The following RABGAP1 variants were observed in gnomAD, a reference collection of about 807,000 sequenced individuals.
The protein encoded by RABGAP1 is RAB GTPase activating protein 1, also known as rab GTPase-activating protein 1.
Under a neutral mutation model 137.6 loss-of-function variants are expected in RABGAP1, and 23 were observed. The observed-to-expected ratio is 0.17, with a 90% CI of 0.12 to 0.24. The LOEUF is 0.24. RABGAP1 is among the 10% of genes least tolerant of loss of function. The pLI is 1.00. For synonymous variants in RABGAP1, 451 were observed against 450.7 expected, an observed-to-expected ratio of 1.00 and a Z score of -0.01; for missense variants, 906 against 1,275.8, an observed-to-expected ratio of 0.71 and a Z score of 4.42.
chr9:123,041,600 G>C (rs551734580), intron 13 of RABGAP1, among the ~76,000 whole-genome samples: 21 of 152,114 alleles, frequency 1.4e-4, no homozygotes, highest in Non-Finnish European at 2.6e-4. Context: ...GAATAGCAAA[G>C]GTATAATATG....
intron 13 of RABGAP1, among the ~76,000 whole-genome samples, chr9:123,051,624 T>C (rs1369944038): frequency 6.6e-6 from 1 of 152,066 alleles, no homozygotes; most frequent in Admixed American, 6.6e-5. Context: ...ATTTCTGTTT[T>C]TCATAAACAC....
At chr9:122,932,949 A>G in the RABGAP1 span, among the ~76,000 whole-genome samples, 1 of 152,212 alleles carries the variant, frequency 6.6e-6, no homozygotes, top group Non-Finnish European at 1.5e-5. Context: ...CCGAGAAGAT[A>G]CTTTGTATGA....
chr9:122,954,033 G>C (rs1834388597), intron 1 of RABGAP1, among the ~76,000 whole-genome samples: 1 of 152,168 alleles, frequency 6.6e-6, no homozygotes, highest in Admixed American at 6.5e-5. Flanking sequence ...TGGAGTGCAG[G>C]GCGTTGGAGG....
intron 13 of RABGAP1, among the ~76,000 whole-genome samples, chr9:123,057,095 G>A (rs1373309250): frequency 3.4e-5 from 5 of 146,568 alleles, no homozygotes; most frequent in East Asian, 2.1e-4. Context: ...GCGGCTGGCC[G>A]GGCGGGGGGC....
At chr9:123,060,345 G>C (rs1377576769) in intron 13 of RABGAP1, among the ~76,000 whole-genome samples, 2 of 152,104 alleles carry the variant, frequency 1.3e-5, no homozygotes, top group African/African-American at 4.8e-5. Flanking sequence ...ATGGGCTTTT[G>C]CTCAACATAA....
intron 13 of RABGAP1, among the ~76,000 whole-genome samples, chr9:123,038,913 GT>G (rs1279762764): frequency 6.6e-6 from 1 of 152,052 alleles, no homozygotes; most frequent in Non-Finnish European, 1.5e-5. Flanking sequence ...GTAGGCTTCT[GT>G]TTCTAATTAA....
At position 123,015,358 on chromosome 9, in the gene RABGAP1, A is replaced by G. The variant is rs529511012; in HGVS notation, c.1550-185A>G. On this transcript the variant is annotated intron_variant, in intron 11 of 25. Coordinates refer to ENST00000373647, the MANE Select transcript of RABGAP1 (RefSeq NM_012197.4). ...TGTGGAAAACAAAAGAGAATTAAAG[A>G]GGTTACAGCATTTTACCTAGAACTA... Among the ~76,000 whole-genome samples the G allele has an allele frequency of 6.7e-5, 10 of 149,922 alleles. No homozygotes were observed. The East Asian group carries it at 2.0e-3, about 29-fold the overall frequency.
chr9:123,034,629 T>C (rs1270455922), intron 13 of RABGAP1: 3 of 1,613,934 alleles, frequency 1.9e-6, no homozygotes, highest in Non-Finnish European at 2.5e-6. Flanking sequence ...CATTTGGCTA[T>C]TTGGAAACTG....
intron 2 of RABGAP1, among the ~76,000 whole-genome samples, chr9:122,968,026 C>T (rs1835262346): frequency 6.6e-6 from 1 of 151,920 alleles, no homozygotes; most frequent in Admixed American, 6.6e-5. Context: ...CCATGCCCTG[C>T]CTTTTTTCTT....
intron 2 of RABGAP1, among the ~76,000 whole-genome samples, chr9:122,976,855 T>C (rs1194523145): frequency 2.0e-5 from 3 of 152,198 alleles, no homozygotes; most frequent in Non-Finnish European, 2.9e-5. Flanking sequence ...CTAGAACGGT[T>C]AAGATCTCCC....
intron 1 of RABGAP1, among the ~76,000 whole-genome samples, chr9:122,944,760 A>G (rs533629611): frequency 5.3e-5 from 8 of 151,442 alleles, no homozygotes; most frequent in East Asian, 1.9e-4. Flanking sequence ...TATTTTTAGT[A>G]GAGACGGGTT....
intron 14 of RABGAP1, among the ~76,000 whole-genome samples, chr9:123,066,257 A>G (rs1004006309): frequency 6.6e-6 from 1 of 152,182 alleles, no homozygotes; most frequent in Non-Finnish European, 1.5e-5. Context: ...TTAGAGAAAT[A>G]TTTTTTAGAT....
chr9:123,096,575 T>TC (rs1491432547), intron 21 of RABGAP1, among the ~76,000 whole-genome samples: 5 of 152,346 alleles, frequency 3.3e-5, no homozygotes, highest in Admixed American at 6.5e-5. Context: ...CACCTTTTTT[T>TC]CTCTCTCTTT....
chr9:122,973,195 G>C (rs1159493907), intron 2 of RABGAP1, among the ~76,000 whole-genome samples: 8 of 152,202 alleles, frequency 5.3e-5, no homozygotes, highest in Middle Eastern at 3.4e-3. Flanking sequence ...ATACTGGTTG[G>C]GGATGCATTG....
intron 2 of RABGAP1, among the ~76,000 whole-genome samples, chr9:122,960,624 T>C (rs1426721933): frequency 6.6e-6 from 1 of 152,024 alleles, no homozygotes; most frequent in Non-Finnish European, 1.5e-5. Context: ...TATAAGACAT[T>C]CAGAGAAACA....
chr9:123,021,355 A>G (rs1018285816), intron 13 of RABGAP1, among the ~76,000 whole-genome samples: 3 of 135,952 alleles, frequency 2.2e-5, no homozygotes, highest in African/African-American at 8.8e-5. Context: ...TTTTTGAAAT[A>G]GAGTCTTGCC....
intron 1 of RABGAP1, among the ~76,000 whole-genome samples, chr9:122,951,895 A>G (rs948114806): frequency 1.3e-5 from 2 of 152,200 alleles, no homozygotes; most frequent in Non-Finnish European, 2.9e-5. Context: ...TTATTTAGCA[A>G]TATGGAGATG....
chr9:123,004,946 C>G (rs1228609097), intron 10 of RABGAP1, among the ~76,000 whole-genome samples: 2 of 150,562 alleles, frequency 1.3e-5, no homozygotes. Context: ...ATCCCAGCTA[C>G]TCGGGAGGCC....
chr9:122,945,480 C>T (rs1384007763), intron 1 of RABGAP1: 2 of 152,084 alleles, frequency 1.3e-5, no homozygotes, highest in Non-Finnish European at 1.5e-5. Flanking sequence ...AGACTTTTCC[C>T]CCTAAATCCC....
Sources: gnomAD v4.1 joint callset for allele counts (sites outside exome capture counted in the v4.1 genomes callset) on GRCh38, gnomAD v4.1.1 for gene constraint, MANE v1.5 for transcripts, NCBI Gene and HGNC (gene_info 2026-07-23, HGNC 2026-07-21) for gene names.